The following ARHGAP28 variants were observed in gnomAD, a reference collection of about 807,000 sequenced individuals.
The protein encoded by ARHGAP28 is rho GTPase-activating protein 28.
Under a neutral mutation model 90.7 loss-of-function variants are expected in ARHGAP28, and 56 were observed. The ratio of observed to expected loss-of-function variants is 0.62; its 90% CI spans 0.50 to 0.77. ARHGAP28 has a LOEUF of 0.77. Among genes scored for constraint, ARHGAP28 ranks in the 30% least tolerant of loss-of-function variants. The pLI, the probability that ARHGAP28 is intolerant of heterozygous loss-of-function variation, is 0.00. For synonymous variants in ARHGAP28, 308 were observed against 323.3 expected, an observed-to-expected ratio of 0.95 and a Z score of 0.51; for missense variants, 869 against 900.9, an observed-to-expected ratio of 0.96 and a Z score of 0.45.
At chr18:6,806,184 G>A (rs7234756) in intron 1 of ARHGAP28, among the ~76,000 whole-genome samples, 5,939 of 152,196 alleles carry the variant, frequency 0.039, 382 homozygotes, top group African/African-American at 0.14. Flanking sequence ...GTGAGCCACC[G>A]TGCCTGACTA....
At chr18:6,805,028 T>G (rs1239768261) in intron 1 of ARHGAP28, among the ~76,000 whole-genome samples, 1 of 152,246 alleles carries the variant, frequency 6.6e-6, no homozygotes, top group Non-Finnish European at 1.5e-5. Context: ...CCTTGCTATG[T>G]TGCCCAGGCT....
At chr18:6,737,685 CTTTATCATATGA>C (rs2055940415) in intron 1 of ARHGAP28, among the ~76,000 whole-genome samples, 1 of 152,092 alleles carries the variant, frequency 6.6e-6, no homozygotes, top group Non-Finnish European at 1.5e-5. Context: ...ATGTATCATT[CTTTATCATATGA>C]AGTTTCATAC....
rs567548048 is a variant in ARHGAP28 at position 6,839,443 on chromosome 18, G to T, written c.543+2029G>T. The stretch of plus-strand genomic sequence containing the variant: ...CGAGTAACTGGGACTATAGGCGCCA[G>T]CCACCACGCCTGGCTAATTTTGTTT... On this transcript the variant is annotated intron_variant, in intron 3 of 17. Transcript: ENST00000383472. Among the ~76,000 whole-genome samples, 80 of 152,126 alleles carry T rather than the reference G, an allele frequency of 5.3e-4. 1 individual carries two copies. The South Asian group carries it at 0.011, about 21-fold the overall frequency.
chr18:6,910,475 G>A (rs1202297277), intron 17 of ARHGAP28, among the ~76,000 whole-genome samples: 2 of 152,052 alleles, frequency 1.3e-5, no homozygotes, highest in Non-Finnish European at 2.9e-5. Flanking sequence ...ACCTGACAGG[G>A]TTGGATCTGG....
At chr18:6,792,463 G>T (rs77264809) in intron 1 of ARHGAP28, among the ~76,000 whole-genome samples, 3,197 of 152,290 alleles carry the variant, frequency 0.021, 116 homozygotes, top group African/African-American at 0.073. Flanking sequence ...TGAAAGTCCT[G>T]CATGACACAG....
rs1409937279 is a variant in ARHGAP28, at chr18:6,896,540, A to C, written c.1944A>C (p.Pro648=). 6.2e-7 allele frequency: 1 copy of C among 1,614,190 alleles called. No individual in the cohort carries two copies. Among genetic ancestry groups the C allele is most frequent in the Non-Finnish European group, 8.5e-7 (1 of 1,180,010 alleles). Residue 648 remains proline, a synonymous_variant, in exon 16 of 18, where the codon CCA becomes CCC. Transcript: ENST00000383472. ...VPEGVIRVHA[P]LLSKVSMAIQ... is the part of the protein sequence containing the mutation. The stretch of plus-strand genomic sequence containing the variant: ...AAGGAGTCATACGGGTCCATGCTCC[A>C]CTTCTCTCCAAGGTGTCCATGGCCA...
At chr18:6,779,277 G>A (rs2056306887) in intron 1 of ARHGAP28, among the ~76,000 whole-genome samples, 1 of 152,168 alleles carries the variant, frequency 6.6e-6, no homozygotes, top group Non-Finnish European at 1.5e-5. Flanking sequence ...CCAAATTGCA[G>A]TATTAAGATA....
intron 4 of ARHGAP28, among the ~76,000 whole-genome samples, chr18:6,855,708 G>T (rs2376530): frequency 0.52 from 79,268 of 152,082 alleles, 21,686 homozygotes; most frequent in Non-Finnish European, 0.61. Context: ...CAGACCTAGG[G>T]GCTCTCTGAG....
chr18:6,861,327 C>T (rs148903613), intron 5 of ARHGAP28, among the ~76,000 whole-genome samples: 1 of 152,342 alleles, frequency 6.6e-6, no homozygotes, highest in African/African-American at 2.4e-5. Context: ...GTCTTACAGT[C>T]TCTCAGTACA....
intron 17 of ARHGAP28, among the ~76,000 whole-genome samples, chr18:6,910,183 G>A (rs1459822170): frequency 6.6e-6 from 1 of 152,120 alleles, no homozygotes; most frequent in Non-Finnish European, 1.5e-5. Flanking sequence ...CTCCTTTGAA[G>A]AACACTTTCT....
intron 1 of ARHGAP28, among the ~76,000 whole-genome samples, chr18:6,824,358 GA>G (rs1262574428): frequency 2.0e-5 from 3 of 151,990 alleles, no homozygotes; most frequent in African/African-American, 7.2e-5. Context: ...CCAACGTGGT[GA>G]AACCCCGTCT....
rs547389586 is a variant in ARHGAP28 at position 6,853,297 on chromosome 18, T to A, written c.636+2171T>A. 3.9e-5 allele frequency among the ~76,000 whole-genome samples: 6 copies of A among 152,292 alleles called. No homozygotes were observed. In the South Asian group the frequency reaches 1.2e-3, roughly 32 times the overall value. On this transcript the variant is annotated intron_variant, in intron 4 of 17. Coordinates refer to ENST00000383472, the MANE Select transcript of ARHGAP28 (RefSeq NM_001366230.1). ...AGAGGGGGTTGGACATGCCTCATTATACCCTCTAGCATTAACATCAACACA... is the reference window on the plus strand; with the variant it reads ...AGAGGGGGTTGGACATGCCTCATTAAACCCTCTAGCATTAACATCAACACA...
rs775553237 is a variant in ARHGAP28, at chr18:6,767,131, AT to A, written c.122+37190del. Among the ~76,000 whole-genome samples, 27 of 151,124 alleles carry A rather than the reference AT, an allele frequency of 1.8e-4. 1 individual carries two copies. Among genetic ancestry groups the A allele is most frequent in the Admixed American group, 1.3e-4 (2 of 15,170 alleles). On this transcript the variant is annotated intron_variant, in intron 1 of 17. Coordinates refer to ENST00000383472, the MANE Select transcript of ARHGAP28 (RefSeq NM_001366230.1). ...TCTCTACTCTTTTAGCTCTTTGTTCATTATTTTTCGTGATGGCTGCAGAGTT... is the reference window on the plus strand; with the variant it reads ...TCTCTACTCTTTTAGCTCTTTGTTCATATTTTTCGTGATGGCTGCAGAGTT...
In ARHGAP28 at chr18:6,912,382, A is replaced by T; in HGVS notation, c.*228A>T. ...TTTTTATAAAAGTAAAGGAAAGATG[A>T]TGTGGTCCTTCCAGAAGAAAGACCA... On this transcript the variant is annotated 3_prime_UTR_variant, in exon 18 of 18. Transcript: ENST00000383472. 2 of 312,048 alleles carry T rather than the reference A, an allele frequency of 6.4e-6. No individual in the cohort carries two copies. The highest frequency in any genetic ancestry group is 1.2e-5 in the Non-Finnish European group (2 of 168,220). 19.3% of individuals were successfully genotyped at this position (312,048 alleles called of 1,614,324 possible).
intron 1 of ARHGAP28, among the ~76,000 whole-genome samples, chr18:6,740,985 GA>G (rs768682293): frequency 2.0e-5 from 3 of 152,204 alleles, no homozygotes; most frequent in Non-Finnish European, 4.4e-5. Flanking sequence ...AAACATGGAA[GA>G]GGGGAGAACT....
Position 6,912,145 on chromosome 18 carries a change from A to C in ARHGAP28, c.2181A>C (p.Gln727His). The C allele has an allele frequency of 1.3e-6, 2 of 1,572,404 alleles. No individual in the cohort carries two copies. Among genetic ancestry groups the C allele is most frequent in the Non-Finnish European group, 1.7e-6 (2 of 1,145,506 alleles). ...PQAEWVIKPQQSS is the reference protein window; with the variant it reads ...PQAEWVIKPQHSS ...CAGAATGGGTGATTAAACCCCAACA[A>C]AGTTCTTAAAATATCCTCGAGAGAG... The change falls in exon 18 of 18, where the codon CAA (glutamine) becomes CAC (histidine). Residue 727 changes from glutamine (Q) to histidine (H), a missense_variant. Physicochemically the swap from Gln to His is conservative, Grantham distance 24. Coordinates refer to ENST00000383472, the MANE Select transcript of ARHGAP28 (RefSeq NM_001366230.1).
At chr18:6,831,206 CTTA>C (rs2056712365) in intron 2 of ARHGAP28, among the ~76,000 whole-genome samples, 1 of 152,084 alleles carries the variant, frequency 6.6e-6, no homozygotes, top group Non-Finnish European at 1.5e-5. Flanking sequence ...TTTTCTTGTG[CTTA>C]TTGTCTTTTC....
chr18:6,822,280 A>G (rs1480072233), intron 1 of ARHGAP28, among the ~76,000 whole-genome samples: 4 of 152,200 alleles, frequency 2.6e-5, no homozygotes, highest in African/African-American at 9.7e-5. Flanking sequence ...AATTAGCCGA[A>G]AAAACCTAGA....
intron 14 of ARHGAP28, 59 bp downstream of exon 14, chr18:6,890,602 G>C (rs575759759): frequency 8.6e-6 from 9 of 1,043,276 alleles, no homozygotes; most frequent in East Asian, 4.9e-5. Flanking sequence ...CTCCTCAAAG[G>C]GGGGCACAAA....
Sources: allele counts gnomAD v4.1 joint callset (sites outside exome capture counted in the v4.1 genomes callset), GRCh38; gene constraint gnomAD v4.1.1; transcripts MANE v1.5; gene names NCBI Gene and HGNC (gene_info 2026-07-23, HGNC 2026-07-21).